The following KCNH7 variants were observed in gnomAD, a reference collection of about 807,000 sequenced individuals.
The protein encoded by KCNH7 is potassium voltage-gated channel subfamily H member 7.
A neutral mutation model predicts 120.8 loss-of-function variants in KCNH7; 49 were observed. That is an observed-to-expected ratio of 0.41 (90% CI 0.32 to 0.51). The LOEUF (loss-of-function observed/expected upper bound fraction) is 0.51. KCNH7 is among the 20% of genes least tolerant of loss of function. The probability of loss-of-function intolerance (pLI) is 0.38; values close to 1 mark genes in which losing one functional copy is unlikely to be tolerated. For missense variants in KCNH7, 1,097 were observed against 1,446.6 expected (o/e 0.76, Z 3.92); for synonymous variants, 547 against 516.1 (o/e 1.06, Z -0.81).
At chr2:162,543,214 C>T (rs1285594136) in intron 2 of KCNH7, among the ~76,000 whole-genome samples, 1 of 152,024 alleles carries the variant, frequency 6.6e-6, no homozygotes, top group African/African-American at 2.4e-5. Context: ...AAAAAGTTGG[C>T]AGTGTATCTG....
chr2:162,437,695 C>A (rs1688289091), intron 7 of KCNH7, among the ~76,000 whole-genome samples: 1 of 152,014 alleles, frequency 6.6e-6, no homozygotes, highest in Non-Finnish European at 1.5e-5. Context: ...AGATAATACC[C>A]AATAAACAGG....
intron 2 of KCNH7, among the ~76,000 whole-genome samples, chr2:162,546,866 G>A (rs1692498247): frequency 6.6e-6 from 1 of 151,316 alleles, no homozygotes; most frequent in African/African-American, 2.4e-5. Context: ...AAAAAAAAGA[G>A]TCCACTCCTG....
intron 2 of KCNH7, among the ~76,000 whole-genome samples, chr2:162,600,586 A>C (rs1694519070): frequency 6.6e-6 from 1 of 152,148 alleles, no homozygotes; most frequent in African/African-American, 2.4e-5. Context: ...AGAAATGCTA[A>C]AGAAGCGAGC....
At chr2:162,818,593 T>C (rs2105586176) in intron 2 of KCNH7, among the ~76,000 whole-genome samples, 1 of 152,294 alleles carries the variant, frequency 6.6e-6, no homozygotes, top group East Asian at 1.9e-4. Context: ...AATTTTTGAA[T>C]GACTTTTAGT....
At chr2:162,591,252 T>A (rs1249708013) in intron 2 of KCNH7, among the ~76,000 whole-genome samples, 1 of 151,266 alleles carries the variant, frequency 6.6e-6, no homozygotes, top group East Asian at 2.0e-4. Flanking sequence ...CTTTTATTTT[T>A]CTTTATTTTT....
At chr2:162,581,420 T>C (rs1693861129) in intron 2 of KCNH7, among the ~76,000 whole-genome samples, 1 of 152,098 alleles carries the variant, frequency 6.6e-6, no homozygotes, top group Non-Finnish European at 1.5e-5. Flanking sequence ...ATCACTACTA[T>C]AACAGCTGAG....
chr2:162,413,813 TCCAAAATAGTCCTTAA>T (rs1687463684), intron 9 of KCNH7, among the ~76,000 whole-genome samples: 1 of 151,796 alleles, frequency 6.6e-6, no homozygotes, highest in Non-Finnish European at 1.5e-5. Flanking sequence ...CTATTTTGTA[TCCAAAATAGTCCTTAA>T]ACAAACGAAC....
chr2:162,515,181 G>A (rs185427274), intron 4 of KCNH7, among the ~76,000 whole-genome samples: 84 of 151,636 alleles, frequency 5.5e-4, no homozygotes, highest in African/African-American at 2.0e-3. Flanking sequence ...GTTGACTCTA[G>A]CATAATCTGT....
intron 2 of KCNH7, among the ~76,000 whole-genome samples, chr2:162,622,963 T>G (rs565438630): frequency 6.7e-4 from 102 of 152,298 alleles, no homozygotes; most frequent in African/African-American, 2.3e-3. Flanking sequence ...CATATTTCTA[T>G]TCTATGAACC....
chr2:162,416,693 C>CAT (rs1362516486), intron 9 of KCNH7, among the ~76,000 whole-genome samples: 1 of 152,020 alleles, frequency 6.6e-6, no homozygotes, highest in Non-Finnish European at 1.5e-5. Flanking sequence ...TGAATGACAG[C>CAT]ATATATGGAA....
chr2:162,423,392 G>C lies in KCNH7; in HGVS notation c.2098C>G (p.Leu700Val). 3 of 1,614,124 alleles carry C rather than the reference G, an allele frequency of 1.9e-6. No homozygotes were observed. Among genetic ancestry groups the C allele is most frequent in the Non-Finnish European group, 2.5e-6 (3 of 1,179,982 alleles). ...HQIPNPLRQR[L>V]EEYFQHAWTY... ...CATGCGTGCTGGAAATATTCTTCAA[G>C]ACGTTGCCTCAGAGGGTTGGGGATT... The change falls in exon 9 of 16, where the codon CTT (leucine) becomes GTT (valine). Residue 700 changes from leucine (L) to valine (V), a missense_variant. Physicochemically the swap from Leu to Val is conservative, Grantham distance 32 (BLOSUM62 1). Around this residue, in one of 8 missense-constraint regions of KCNH7, gnomAD observed 101 missense variants for 176.3 expected, o/e 0.57. Transcript: ENST00000332142.
intron 6 of KCNH7, among the ~76,000 whole-genome samples, chr2:162,503,393 T>C (rs911749902): frequency 2.6e-5 from 4 of 151,996 alleles, no homozygotes; most frequent in African/African-American, 9.7e-5. Flanking sequence ...TTAAGAAAAG[T>C]GAAATGCCAA....
intron 2 of KCNH7, among the ~76,000 whole-genome samples, chr2:162,569,124 C>G (rs563377545): frequency 2.6e-5 from 4 of 151,932 alleles, no homozygotes; most frequent in Non-Finnish European, 5.9e-5. Context: ...CTCCTTGCAC[C>G]TCTGGTAGAA....
At chr2:162,785,160 G>C (rs1683650905) in intron 2 of KCNH7, 1 of 152,128 alleles carries the variant, frequency 6.6e-6, no homozygotes, top group Non-Finnish European at 1.5e-5. Context: ...TTCAAAGATA[G>C]GTCCGTACTA....
At chr2:162,533,118 A>T (rs1488806495) in intron 3 of KCNH7, among the ~76,000 whole-genome samples, 1 of 151,898 alleles carries the variant, frequency 6.6e-6, no homozygotes, top group Non-Finnish European at 1.5e-5. Flanking sequence ...AGTTAAGGAG[A>T]GTATATAACA....
At chr2:162,765,852 T>C (rs1038308310) in intron 2 of KCNH7, among the ~76,000 whole-genome samples, 6 of 152,142 alleles carry the variant, frequency 3.9e-5, no homozygotes, top group African/African-American at 1.4e-4. Flanking sequence ...CTTGTGCTCT[T>C]GGGCTCAAAT....
intron 2 of KCNH7, among the ~76,000 whole-genome samples, chr2:162,824,943 T>C (rs1312975808): frequency 2.0e-5 from 3 of 152,042 alleles, no homozygotes; most frequent in African/African-American, 4.8e-5. Flanking sequence ...TTTCATTAGT[T>C]ATAATTTTCA....
At chr2:162,595,216 G>C (rs1694339145) in intron 2 of KCNH7, among the ~76,000 whole-genome samples, 1 of 151,962 alleles carries the variant, frequency 6.6e-6, no homozygotes, top group African/African-American at 2.4e-5. Context: ...TTCACAGGGT[G>C]CCAGAATGGA....
At chr2:162,673,010 A>C (rs1025764172) in intron 2 of KCNH7, among the ~76,000 whole-genome samples, 29 of 152,032 alleles carry the variant, frequency 1.9e-4, no homozygotes, top group Admixed American at 1.2e-3. Flanking sequence ...TTAAGAATAA[A>C]TGGAGGAAAA....
Sources: gnomAD v4.1 joint callset for allele counts (sites outside exome capture counted in the v4.1 genomes callset) on GRCh38, gnomAD v4.1.1 for gene constraint, gnomAD v4.1.1 regional missense constraint, MANE v1.5 for transcripts, NCBI Gene and HGNC (gene_info 2026-07-23, HGNC 2026-07-21) for gene names.